PPP2R2B: variants seen among roughly 807,000 people sequenced by gnomAD.
PPP2R2B encodes protein phosphatase 2 regulatory subunit Bbeta.
PPP2R2B carries 5 observed loss-of-function variants against 46.0 expected under a neutral mutation model. That is an observed-to-expected ratio of 0.11 (90% confidence interval 0.06 to 0.23). The LOEUF is 0.23. PPP2R2B is among the 10% of genes least tolerant of loss of function. The pLI is 1.00. For missense variants in PPP2R2B, 367 were observed against 575.0 expected (o/e 0.64, Z 3.70); for synonymous variants, 215 against 206.7 (o/e 1.04, Z -0.34).
intron 4 of PPP2R2B, among the ~76,000 whole-genome samples, chr5:146,691,814 C>G (rs1173237146): frequency 1.3e-5 from 2 of 152,182 alleles, no homozygotes; most frequent in Non-Finnish European, 2.9e-5. Flanking sequence ...ATTAAGCTCA[C>G]TAAGCCTCGG....
chr5:146,701,047 C>T lies in PPP2R2B; in HGVS notation c.166G>A (p.Glu56Lys), dbSNP rs1450701618. 1 of 1,609,804 alleles carries T rather than the reference C, an allele frequency of 6.2e-7. No individual in the cohort carries two copies. The highest frequency in any genetic ancestry group is 2.2e-5 in the East Asian group (1 of 44,860). ...GRVVIFQREQ[E>K]SKNQVHRRGE... is the part of the protein sequence containing the mutation. ...ATTTTGCATTCACCACCACTTACCT[C>T]CTGCTCTCGTTGAAATATTACAACC... The change falls in exon 3 of 10, where the codon GAG becomes AAG. Residue 56 changes from glutamate to lysine, a missense_variant and splice_region_variant. Transcript: ENST00000394411.
rs1036907720 is a variant in PPP2R2B at position 146,870,378 on chromosome 5, G to GA, written c.70+7623dup. Among the ~76,000 whole-genome samples the GA allele has an allele frequency of 6.6e-5, 10 of 151,140 alleles. 1 individual carries two copies. Among genetic ancestry groups the GA allele is most frequent in the African/African-American group, 2.2e-4 (9 of 41,238 alleles). Reference sequence around the variant, plus strand: ...TATGGGGCTGGTGCCCTTGCAAGAAGAAAAAAAAATGCCAGAGATTGCGCT... The same window carrying GA: ...TATGGGGCTGGTGCCCTTGCAAGAAGAAAAAAAAAATGCCAGAGATTGCGCT... On this transcript the variant is annotated intron_variant, in intron 2 of 9. Coordinates refer to ENST00000394411, the MANE Select transcript of PPP2R2B (RefSeq NM_181675.4).
chr5:146,689,282 T>C (rs966637967), intron 5 of PPP2R2B, among the ~76,000 whole-genome samples: 25 of 152,302 alleles, frequency 1.6e-4, no homozygotes, highest in African/African-American at 5.3e-4. Flanking sequence ...GTTATATAGA[T>C]GAGACATTGG....
intron 5 of PPP2R2B, among the ~76,000 whole-genome samples, chr5:146,669,745 T>A (rs1431693131): frequency 1.3e-5 from 2 of 152,146 alleles, no homozygotes; most frequent in Non-Finnish European, 2.9e-5. Flanking sequence ...CATACATATT[T>A]TACAGACTTT....
chr5:146,803,895 C>A (rs993515033), intron 2 of PPP2R2B, among the ~76,000 whole-genome samples: 5 of 152,116 alleles, frequency 3.3e-5, no homozygotes, highest in Admixed American at 6.5e-5. Context: ...TGGTTGGGCA[C>A]GGTGGCTCAT....
At chr5:146,714,857 CTTCT>C (rs1780404505) in intron 2 of PPP2R2B, among the ~76,000 whole-genome samples, 1 of 151,994 alleles carries the variant, frequency 6.6e-6, no homozygotes, top group African/African-American at 2.4e-5. Flanking sequence ...CCTCACACCT[CTTCT>C]TTCTTTTCTG....
intron 1 of PPP2R2B, among the ~76,000 whole-genome samples, chr5:146,940,258 C>T (rs1435357643): frequency 6.6e-6 from 1 of 152,196 alleles, no homozygotes; most frequent in African/African-American, 2.4e-5. Flanking sequence ...GCCCTCCTGG[C>T]TGCAGATTCA....
intron 1 of PPP2R2B, among the ~76,000 whole-genome samples, chr5:147,053,893 T>G (rs1174116306): frequency 6.6e-6 from 1 of 152,204 alleles, no homozygotes. Flanking sequence ...ATAACCCATG[T>G]CTTTTCCACT....
At chr5:146,710,270 C>G (rs1393739705) in intron 2 of PPP2R2B, among the ~76,000 whole-genome samples, 1 of 152,162 alleles carries the variant, frequency 6.6e-6, no homozygotes, top group Non-Finnish European at 1.5e-5. Flanking sequence ...AGGAAGCCCA[C>G]CATGCTTGCT....
At chr5:146,898,148 G>A (rs1762707322) in intron 1 of PPP2R2B, among the ~76,000 whole-genome samples, 2 of 152,184 alleles carry the variant, frequency 1.3e-5, no homozygotes, top group Non-Finnish European at 2.9e-5. Flanking sequence ...TTGCATCACT[G>A]CATTCCAGCC....
intron 2 of PPP2R2B, among the ~76,000 whole-genome samples, chr5:146,746,977 C>CATGTGATAT (rs1753233799): frequency 6.6e-6 from 1 of 152,150 alleles, no homozygotes; most frequent in African/African-American, 2.4e-5. Context: ...TAACATCGTG[C>CATGTGATAT]TGCATATCAT....
chr5:146,608,560 G>A (rs1772526354), intron 7 of PPP2R2B, among the ~76,000 whole-genome samples: 1 of 152,108 alleles, frequency 6.6e-6, no homozygotes, highest in African/African-American at 2.4e-5. Flanking sequence ...ACTTTGGGAG[G>A]CCGAGGCAGG....
At chr5:146,818,989 C>A (rs1208443309) in intron 2 of PPP2R2B, among the ~76,000 whole-genome samples, 1 of 152,166 alleles carries the variant, frequency 6.6e-6, no homozygotes, top group Non-Finnish European at 1.5e-5. Context: ...CCCTCAAGAA[C>A]CAACAGATGG....
rs78447365 is a variant in PPP2R2B at position 146,633,432 on chromosome 5, T to C, written c.790+4819A>G. 7.8e-3 allele frequency among the ~76,000 whole-genome samples: 1,193 copies of C among 152,316 alleles called. 19 individuals are homozygous for C. The highest frequency in any genetic ancestry group is 0.027 in the African/African-American group (1,127 of 41,572). On this transcript the variant is annotated intron_variant, in intron 7 of 9. Transcript: ENST00000394411. ...TTGAGGAGGATGGAGAAAATCAATA[T>C]GAAATGTCAGGCGAGGGGTCAGATT... is the stretch of plus-strand genomic sequence containing the variant.
intron 2 of PPP2R2B, among the ~76,000 whole-genome samples, chr5:146,736,974 A>G (rs1752573106): frequency 2.0e-5 from 3 of 152,244 alleles, no homozygotes; most frequent in Admixed American, 1.3e-4. Flanking sequence ...AACAGGTAAA[A>G]TTAATCATAT....
At chr5:146,917,523 A>T (rs1414152472) in intron 1 of PPP2R2B, among the ~76,000 whole-genome samples, 1 of 152,204 alleles carries the variant, frequency 6.6e-6, no homozygotes, top group Non-Finnish European at 1.5e-5. Flanking sequence ...ATAAATAAGG[A>T]TCTTCATTTA....
Position 146,705,808 on chromosome 5 carries a change from A to G in PPP2R2B, c.71-4666T>C, listed in dbSNP as rs73320040. ...CAAATACTCCTACTGGGATTATGCC[A>G]AGATGACCTTGTTGAAAGATGTTAA... On this transcript the variant is annotated intron_variant, in intron 2 of 9. Coordinates refer to ENST00000394411, the MANE Select transcript of PPP2R2B (RefSeq NM_181675.4). Among the ~76,000 whole-genome samples, 574 of 152,338 alleles carry G rather than the reference A, an allele frequency of 3.8e-3. 6 individuals carry two copies. The highest frequency in any genetic ancestry group is 0.013 in the African/African-American group (552 of 41,580).
Position 146,694,222 on chromosome 5 carries a change from C to G in PPP2R2B, c.335-2982G>C, listed in dbSNP as rs140282523. ...GCTCGTGTCTGACACACTGGCAAGG[C>G]TGCTAAGTGTATGATTTGTGCGCTC... On this transcript the variant is annotated intron_variant, in intron 4 of 9. Coordinates refer to ENST00000394411, the MANE Select transcript of PPP2R2B (RefSeq NM_181675.4). Among the ~76,000 whole-genome samples, 152 of 152,302 alleles carry G rather than the reference C, an allele frequency of 1.0e-3. 2 individuals are homozygous for G. Among genetic ancestry groups the G allele is most frequent in the African/African-American group, 3.6e-3 (150 of 41,560 alleles).
chr5:146,975,213 A>C (rs1454072831), intron 1 of PPP2R2B, among the ~76,000 whole-genome samples: 1 of 152,180 alleles, frequency 6.6e-6, no homozygotes, highest in Non-Finnish European at 1.5e-5. Flanking sequence ...TTTATTTCTA[A>C]GAGTGTGACT....
Sources: allele counts gnomAD v4.1 joint callset (sites outside exome capture counted in the v4.1 genomes callset), GRCh38; gene constraint gnomAD v4.1.1; transcripts MANE v1.5; gene names NCBI Gene and HGNC (gene_info 2026-07-23, HGNC 2026-07-21).